Variants in COL4A2 observed in about 807,000 individuals in gnomAD.
COL4A2 encodes the protein collagen alpha-2(IV) chain.
A neutral mutation model predicts 200.2 loss-of-function variants in COL4A2; 99 were observed. That is an observed-to-expected ratio of 0.49 (90% CI 0.42 to 0.58). The LOEUF (loss-of-function observed/expected upper bound fraction) is 0.58. COL4A2 is among the 20% of genes least tolerant of loss of function. The probability of loss-of-function intolerance (pLI) is 0.00; values close to 1 mark genes in which losing one functional copy is unlikely to be tolerated. For missense variants in COL4A2, 1,950 were observed against 2,314.1 expected, an observed-to-expected ratio of 0.84 and a Z score of 3.23; for synonymous variants, 897 against 900.6, an observed-to-expected ratio of 1.00 and a Z score of 0.07.
intron 3 of COL4A2, among the ~76,000 whole-genome samples, chr13:110,356,770 CTTTT>C (rs66516455): frequency 1.5e-5 from 2 of 136,494 alleles, no homozygotes; most frequent in Non-Finnish European, 3.1e-5. Flanking sequence ...TTTATAGGCA[CTTTT>C]TTTTTTTTTT....
chr13:110,341,560 G>A (rs1876454650), intron 3 of COL4A2, among the ~76,000 whole-genome samples: 1 of 152,192 alleles, frequency 6.6e-6, no homozygotes, highest in Admixed American at 6.5e-5. Context: ...CGTTTTCTGG[G>A]GAATGTCCAC....
chr13:110,406,449 T>C (rs1334413916), intron 4 of COL4A2, among the ~76,000 whole-genome samples: 3 of 152,200 alleles, frequency 2.0e-5, no homozygotes, highest in African/African-American at 7.2e-5. Context: ...AGCAAGACCC[T>C]GCATGCAATT....
intron 47 of COL4A2, 133 bp from the exon 48 acceptor site, chr13:110,511,801 T>C: frequency 7.0e-7 from 1 of 1,419,640 alleles, no homozygotes; most frequent in Non-Finnish European, 9.5e-7. Flanking sequence ...TTCGCGAGGA[T>C]GCCTCATGTC....
intron 3 of COL4A2, among the ~76,000 whole-genome samples, chr13:110,325,823 G>A (rs911294333): frequency 4.6e-5 from 7 of 150,808 alleles, no homozygotes; most frequent in African/African-American, 9.8e-5. Flanking sequence ...TCACTCTGTC[G>A]CCCAGGCTGG....
intron 4 of COL4A2, among the ~76,000 whole-genome samples, chr13:110,399,290 C>T (rs998007326): frequency 1.3e-5 from 2 of 152,218 alleles, no homozygotes; most frequent in African/African-American, 4.8e-5. Flanking sequence ...GCCCTCAGAG[C>T]CTGTGATGTC....
At chr13:110,440,488 C>T (rs1881077736) in intron 16 of COL4A2, among the ~76,000 whole-genome samples, 1 of 152,070 alleles carries the variant, frequency 6.6e-6, no homozygotes, top group Admixed American at 6.5e-5. Flanking sequence ...CCCAGCTACT[C>T]AGGAGGCTGA....
At chr13:110,472,350 C>T (rs552853325) in intron 28 of COL4A2, among the ~76,000 whole-genome samples, 2 of 152,124 alleles carry the variant, frequency 1.3e-5, no homozygotes, top group East Asian at 1.9e-4. Flanking sequence ...CTCCTGACCT[C>T]GTGATTCACC....
At chr13:110,434,990 A>G (rs1360597057) in intron 12 of COL4A2, among the ~76,000 whole-genome samples, 1 of 152,204 alleles carries the variant, frequency 6.6e-6, no homozygotes, top group Non-Finnish European at 1.5e-5. Context: ...CCCGCAAGCA[A>G]AACCTCACCA....
At chr13:110,341,206 G>A (rs1876438909) in intron 3 of COL4A2, among the ~76,000 whole-genome samples, 1 of 152,222 alleles carries the variant, frequency 6.6e-6, no homozygotes, top group East Asian at 1.9e-4. Context: ...AGCGCGTGGC[G>A]TCATCGGGAC....
rs1413614076 is a variant in COL4A2 at position 110,509,262 on chromosome 13, TATATATATACAC to T, written c.4881+1043_4881+1054del. Among the ~76,000 whole-genome samples the T allele has an allele frequency of 5.7e-3, 685 of 120,086 alleles. 10 individuals carry two copies. The highest frequency in any genetic ancestry group is 0.021 in the African/African-American group (573 of 27,490). The allele number at this position is 120,086 out of a possible 152,430, so 78.8% of individuals were successfully genotyped here. A position where few individuals can be genotyped will look rare whatever the true frequency, so the allele number is the denominator to read the frequency against. The stretch of plus-strand genomic sequence containing the variant: ...TTCATAAATTATATATATATATATA[TATATATATACAC>T]ACACACACACACACACACACACAAC... On this transcript the variant is annotated intron_variant, in intron 47 of 47. Transcript: ENST00000360467.
At chr13:110,347,004 G>T (rs191153200) in intron 3 of COL4A2, among the ~76,000 whole-genome samples, 2 of 152,234 alleles carry the variant, frequency 1.3e-5, no homozygotes, top group African/African-American at 4.8e-5. Context: ...TGCCGGGCCC[G>T]TGTGCACACC....
chr13:110,420,127 C>T (rs1489465653), intron 4 of COL4A2, among the ~76,000 whole-genome samples: 1 of 152,090 alleles, frequency 6.6e-6, no homozygotes, highest in African/African-American at 2.4e-5. Flanking sequence ...CCAGGTGACG[C>T]CGACACAGAC....
chr13:110,461,393 C>T (rs1417275155), intron 22 of COL4A2, among the ~76,000 whole-genome samples: 5 of 152,246 alleles, frequency 3.3e-5, no homozygotes, highest in Admixed American at 6.5e-5. Flanking sequence ...GATTCAGCTG[C>T]CCCGGGCTGG....
At chr13:110,490,527 G>C (rs567061644) in intron 36 of COL4A2, among the ~76,000 whole-genome samples, 14 of 152,274 alleles carry the variant, frequency 9.2e-5, no homozygotes, top group South Asian at 6.2e-4. Flanking sequence ...GTGTTCAGTT[G>C]AGCACAGGAT....
chr13:110,443,962 G>A (rs1048301861), intron 16 of COL4A2, among the ~76,000 whole-genome samples: 1 of 152,176 alleles, frequency 6.6e-6, no homozygotes, highest in Non-Finnish European at 1.5e-5. Context: ...GGTCTCAGAT[G>A]AACCCTGAGG....
Position 110,442,175 on chromosome 13 carries a change from G to A in COL4A2, c.957+2342G>A, listed in dbSNP as rs1881154279. 2.0e-5 allele frequency among the ~76,000 whole-genome samples: 3 copies of A among 149,938 alleles called. No homozygotes were observed. The South Asian group carries it at 6.4e-4, about 32-fold the overall frequency. The stretch of plus-strand genomic sequence containing the variant: ...AAGTTAATGAAAGACAAGATGCTGT[G>A]TAAACAGTGGCCACCTGGCAGCTCC... On this transcript the variant is annotated intron_variant, in intron 16 of 47. Transcript: ENST00000360467.
At chr13:110,458,965 A>G in intron 22 of COL4A2, 31 bp downstream of exon 22, 1 of 1,507,868 alleles carries the variant, frequency 6.6e-7, no homozygotes, top group Non-Finnish European at 8.8e-7. Context: ...GAAGCTGGCA[A>G]GACACTCTGA....
At position 110,450,190 on chromosome 13, in the gene COL4A2, A is replaced by G. The variant is rs941819406; in HGVS notation, c.1190-115A>G. ...CCAATGGCTTCTACCCATCGGAGTT[A>G]TTGACGGGGCCATGAAGCCCGCTAG... On this transcript the variant is annotated intron_variant, in intron 19 of 47. Coordinates refer to ENST00000360467, the MANE Select transcript of COL4A2 (RefSeq NM_001846.4). The G allele has an allele frequency of 4.9e-6, 4 of 820,270 alleles. No homozygotes were observed. The African/African-American group carries it at 5.1e-5, about 10-fold the overall frequency. 50.8% of individuals were successfully genotyped at this position (820,270 alleles called of 1,614,324 possible). A position where few individuals can be genotyped will look rare whatever the true frequency, so the allele number is the denominator to read the frequency against.
intron 21 of COL4A2, 27 bp downstream of exon 21, chr13:110,457,462 G>A (rs1881810822): frequency 2.2e-6 from 3 of 1,337,992 alleles, no homozygotes; most frequent in Non-Finnish European, 3.2e-6. Context: ...GGGACGGGAT[G>A]AGGACAGCCT....
Sources: allele counts gnomAD v4.1 joint callset (sites outside exome capture counted in the v4.1 genomes callset), GRCh38; gene constraint gnomAD v4.1.1; transcripts MANE v1.5; gene names NCBI Gene and HGNC (gene_info 2026-07-23, HGNC 2026-07-21).